Variants in SLC25A18 observed in about 807,000 individuals in gnomAD.
SLC25A18 encodes mitochondrial glutamate carrier 2.
SLC25A18 carries 24 observed loss-of-function variants against 31.1 expected under a neutral mutation model. The observed-to-expected ratio is 0.77, with a 90% CI of 0.56 to 1.08. The LOEUF (loss-of-function observed/expected upper bound fraction) is 1.08, where lower values mean the gene tolerates loss of function less well. Ranked by LOEUF, SLC25A18 falls within the 50% of genes least tolerant of loss-of-function variation. The pLI, the probability that SLC25A18 is intolerant of heterozygous loss-of-function variation, is 0.00. For missense variants in SLC25A18, 371 were observed against 418.5 expected (o/e 0.89, Z 0.99); for synonymous variants, 173 against 161.9 (o/e 1.07, Z -0.52).
At chr22:17,584,736 C>T (rs546864708) in intron 7 of SLC25A18, among the ~76,000 whole-genome samples, 62 of 131,552 alleles carry the variant, frequency 4.7e-4, no homozygotes, top group Non-Finnish European at 8.1e-4. Context: ...GCTGAGATCA[C>T]GCCATTTGCA....
intron 2 of SLC25A18, among the ~76,000 whole-genome samples, chr22:17,579,515 C>T (rs2057317160): frequency 2.0e-5 from 3 of 152,142 alleles, no homozygotes; most frequent in African/African-American, 7.2e-5. Flanking sequence ...GTCCAAAATG[C>T]CCCAGACATC....
At chr22:17,572,791 G>T (rs1037913597) in intron 2 of SLC25A18, among the ~76,000 whole-genome samples, 1 of 148,448 alleles carries the variant, frequency 6.7e-6, no homozygotes, top group South Asian at 2.1e-4. Flanking sequence ...ACAGGCGCCC[G>T]CCACCACGCC....
chr22:17,570,313 C>T (rs1200494495), intron 2 of SLC25A18: 2 of 152,332 alleles, frequency 1.3e-5, no homozygotes, highest in African/African-American at 4.8e-5. Flanking sequence ...GTGGTCATCA[C>T]CCTGAGGCCC....
chr22:17,590,451 A>C lies in SLC25A18; in HGVS notation c.*215A>C, dbSNP rs1470975354. 4 of 519,888 alleles carry C rather than the reference A, an allele frequency of 7.7e-6. No homozygotes were observed. Among genetic ancestry groups the C allele is most frequent in the Non-Finnish European group, 1.3e-5 (4 of 304,700 alleles). The allele number at this position is 519,888 out of a possible 1,614,324, so 32.2% of individuals were successfully genotyped here. On this transcript the variant is annotated 3_prime_UTR_variant, in exon 11 of 11. Coordinates refer to ENST00000327451, the MANE Select transcript of SLC25A18 (RefSeq NM_031481.3). ...TACACTCGTTTTCCTTTGTGGGCAC[A>C]GCTACCAGGGGCTTTTGGAAGCCCC...
At position 17,588,057 on chromosome 22, in the gene SLC25A18, G is replaced by A. The variant is rs747130358; in HGVS notation, c.708G>A (p.Ala236=). 236 of 1,613,968 alleles carry A rather than the reference G, an allele frequency of 1.5e-4. No homozygotes were observed. In the Admixed American group the frequency reaches 3.7e-3, roughly 26 times the overall value. ...GCTGTGTGGCAGGTTCCATAGCTGC[G>A]GTCGCAGTGACGCCTCTAGATGGTA... is the stretch of plus-strand genomic sequence containing the variant. ...VSGCVAGSIA[A]VAVTPLDVLK... is the part of the protein sequence containing the mutation. Residue 236 remains alanine (A), a synonymous_variant, in exon 9 of 11, where the codon GCG becomes GCA. Transcript: ENST00000327451.
At chr22:17,570,683 A>G (rs1049043636) in intron 2 of SLC25A18, among the ~76,000 whole-genome samples, 1 of 152,128 alleles carries the variant, frequency 6.6e-6, no homozygotes, top group Non-Finnish European at 1.5e-5. Flanking sequence ...ATGGGGCTTC[A>G]GCATGTTGGC....
In SLC25A18 at chr22:17,588,097, G is replaced by A. The variant is rs373519352; in HGVS notation, c.730+18G>A. The stretch of plus-strand genomic sequence containing the variant: ...TCTAGATGGTAAGGAGTTGGGAGAC[G>A]TGTCCTTTCTATGGGATAAACAGTA... On this transcript the variant is annotated intron_variant, in intron 9 of 10. Transcript: ENST00000327451. The A allele has an allele frequency of 6.8e-6, 11 of 1,613,476 alleles. No homozygotes were observed. The Middle Eastern group carries it at 9.9e-4, about 145-fold the overall frequency.
intron 3 of SLC25A18, 23 bp downstream of exon 3, chr22:17,579,987 G>A: frequency 1.2e-6 from 2 of 1,607,040 alleles, no homozygotes; most frequent in Non-Finnish European, 1.7e-6. Context: ...GGGGCAGCCT[G>A]AGGCCCTGGG....
intron 4 of SLC25A18, 54 bp from the exon 5 acceptor site, chr22:17,581,304 A>C (rs562976372): frequency 1.2e-6 from 2 of 1,609,624 alleles, no homozygotes; most frequent in South Asian, 2.2e-5. Context: ...CAGGGCATGG[A>C]GGCGGCTGGG....
rs1601313529 is a variant in SLC25A18 at position 17,580,706 on chromosome 22, C to T, written c.21-331C>T. On this transcript the variant is annotated intron_variant, in intron 3 of 10. Coordinates refer to ENST00000327451, the MANE Select transcript of SLC25A18 (RefSeq NM_031481.3). ...TGAGAACTGCACACGTGGCTCCAGGCCTGCGGAGGAGCCAGAGGACGGGCC... is the reference window on the plus strand; with the variant it reads ...TGAGAACTGCACACGTGGCTCCAGGTCTGCGGAGGAGCCAGAGGACGGGCC... 14 of 1,090,924 alleles carry T rather than the reference C, an allele frequency of 1.3e-5. No individual in the cohort carries two copies. In the South Asian group the frequency reaches 5.3e-4, roughly 42 times the overall value. The allele number at this position is 1,090,924 out of a possible 1,614,324, so 67.6% of individuals were successfully genotyped here.
chr22:17,584,556 G>A (rs945079763), intron 7 of SLC25A18, among the ~76,000 whole-genome samples: 7 of 151,646 alleles, frequency 4.6e-5, no homozygotes, highest in African/African-American at 1.7e-4. Flanking sequence ...GAGGCAGGCG[G>A]ATCACCTGAG....
intron 2 of SLC25A18, among the ~76,000 whole-genome samples, chr22:17,575,125 TAC>T (rs915471040): frequency 6.6e-6 from 1 of 151,908 alleles, no homozygotes; most frequent in Admixed American, 6.6e-5. Context: ...GTGCTGGGAT[TAC>T]AGGTGTGAGC....
intron 5 of SLC25A18, 189 bp from the exon 6 acceptor site, chr22:17,582,374 T>TAAAAAAAAAGGAGAATGTGGTAGG: frequency 2.2e-6 from 1 of 462,238 alleles, no homozygotes; most frequent in African/African-American, 2.0e-5. Flanking sequence ...AGACTCCATC[T>TAAAAAAAAAGGAGAATGTGGTAGG]AAAAAAAAAG....
intron 2 of SLC25A18, among the ~76,000 whole-genome samples, 190 bp from the exon 3 acceptor site, chr22:17,579,555 T>A (rs181044093): frequency 1.1e-4 from 17 of 152,276 alleles, no homozygotes; most frequent in African/African-American, 3.4e-4. Context: ...GGCTGCTGTA[T>A]CCTTCTCTCT....
At position 17,566,481 on chromosome 22, in the gene SLC25A18, C is replaced by T. The variant is rs535601952; in HGVS notation, c.-264+2768C>T. Among the ~76,000 whole-genome samples, 11 of 152,072 alleles carry T rather than the reference C, an allele frequency of 7.2e-5. No individual in the cohort carries two copies. In the South Asian group the frequency reaches 1.5e-3, roughly 20 times the overall value. Reference sequence around the variant, plus strand: ...AAGCTGGAGTGCAATGGCGCAATCTCGGCTCACTACAACCTCCGCCTCACG... The same window carrying T: ...AAGCTGGAGTGCAATGGCGCAATCTTGGCTCACTACAACCTCCGCCTCACG... On this transcript the variant is annotated intron_variant, in intron 1 of 10. Transcript: ENST00000327451.
intron 2 of SLC25A18, among the ~76,000 whole-genome samples, chr22:17,577,224 A>T (rs191012072): frequency 6.6e-6 from 1 of 151,838 alleles, no homozygotes; most frequent in Admixed American, 6.5e-5. Context: ...GGGTTTCACC[A>T]TGTTAGCCAG....
At position 17,590,253 on chromosome 22, in the gene SLC25A18, A is replaced by G. The variant is rs756013767; in HGVS notation, c.*17A>G. ...TTTGACTAGACAGAGCTGGAGGTCA[A>G]GTCCCTGCGCTTGCCGCCCTCTCTC... On this transcript the variant is annotated 3_prime_UTR_variant, in exon 11 of 11. Coordinates refer to ENST00000327451, the MANE Select transcript of SLC25A18 (RefSeq NM_031481.3). The G allele has an allele frequency of 1.9e-6, 3 of 1,614,134 alleles. No homozygotes were observed. The highest frequency in any genetic ancestry group is 2.5e-6 in the Non-Finnish European group (3 of 1,179,988).
chr22:17,577,907 C>T lies in SLC25A18; in HGVS notation c.-200-1838C>T, dbSNP rs147298325. On this transcript the variant is annotated intron_variant, in intron 2 of 10. Coordinates refer to ENST00000327451, the MANE Select transcript of SLC25A18 (RefSeq NM_031481.3). ...GCCCAGACTGGTCTCGAACTCCTGA[C>T]CTCAGGTGATCTGCCGTCCTCAGCC... 1.6e-3 allele frequency among the ~76,000 whole-genome samples: 235 copies of T among 151,116 alleles called. 1 individual carries two copies. Among genetic ancestry groups the T allele is most frequent in the African/African-American group, 5.6e-3 (229 of 41,178 alleles).
chr22:17,576,108 C>T (rs1421524813), intron 2 of SLC25A18, among the ~76,000 whole-genome samples: 1 of 152,134 alleles, frequency 6.6e-6, no homozygotes, highest in African/African-American at 2.4e-5. Context: ...AATCCCAGCA[C>T]TTTGGGAGGC....
Sources: gnomAD v4.1 joint callset for allele counts (sites outside exome capture counted in the v4.1 genomes callset) on GRCh38, gnomAD v4.1.1 for gene constraint, MANE v1.5 for transcripts, NCBI Gene and HGNC (gene_info 2026-07-23, HGNC 2026-07-21) for gene names.